DOCK4: variants seen among roughly 807,000 people sequenced by gnomAD.
DOCK4 encodes dedicator of cytokinesis protein 4.
Under a neutral mutation model 268.1 loss-of-function variants are expected in DOCK4, and 97 were observed. The ratio of observed to expected loss-of-function variants is 0.36; its 90% CI spans 0.31 to 0.43. DOCK4 has a LOEUF of 0.43. Among genes scored for constraint, DOCK4 ranks in the 20% least tolerant of loss-of-function variants. The probability of loss-of-function intolerance (pLI) is 1.00; values close to 1 mark genes in which losing one functional copy is unlikely to be tolerated. For synonymous variants in DOCK4, 954 were observed against 887.2 expected (o/e 1.08, Z -1.34); for missense variants, 2,145 against 2,455.7 (o/e 0.87, Z 2.67).
intron 1 of DOCK4, among the ~76,000 whole-genome samples, chr7:112,091,642 C>T (rs761414524): frequency 2.0e-5 from 3 of 152,036 alleles, no homozygotes; most frequent in Non-Finnish European, 4.4e-5. Context: ...GAGCCCAATC[C>T]GAAAAGAATT....
At chr7:112,009,776 GAA>G (rs1158634210) in intron 1 of DOCK4, among the ~76,000 whole-genome samples, 1 of 152,108 alleles carries the variant, frequency 6.6e-6, no homozygotes, top group East Asian at 1.9e-4. Context: ...AAAAAACAGA[GAA>G]AAAGGAAAGG....
intron 1 of DOCK4, among the ~76,000 whole-genome samples, chr7:112,035,038 C>CA (rs1281710618): frequency 6.6e-6 from 1 of 152,186 alleles, no homozygotes; most frequent in Non-Finnish European, 1.5e-5. Flanking sequence ...GTCCTGGACA[C>CA]ACGGAGATGG....
chr7:111,877,786 T>A (rs553465421), intron 16 of DOCK4, among the ~76,000 whole-genome samples: 1 of 152,324 alleles, frequency 6.6e-6, no homozygotes, highest in Non-Finnish European at 1.5e-5. Context: ...TAATTTCATA[T>A]CCCTACTGTA....
At position 112,132,992 on chromosome 7, in the gene DOCK4, C is replaced by A. The variant is rs138599831; in HGVS notation, c.37+73110G>T. Among the ~76,000 whole-genome samples, 346 of 152,278 alleles carry A rather than the reference C, an allele frequency of 2.3e-3. 2 individuals carry two copies. Among genetic ancestry groups the A allele is most frequent in the African/African-American group, 7.9e-3 (328 of 41,562 alleles). On this transcript the variant is annotated intron_variant, in intron 1 of 52. Transcript: ENST00000428084. ...TGAATCCAGAGACTGGTATTCAGGG[C>A]TCTTAAAATTTAGAATCTCAAATTC... is the stretch of plus-strand genomic sequence containing the variant.
chr7:111,790,729 G>T, intron 30 of DOCK4, 124 bp from the exon 31 acceptor site: 2 of 1,174,116 alleles, frequency 1.7e-6, no homozygotes, highest in Non-Finnish European at 2.3e-6. Flanking sequence ...GTCTCCTCAA[G>T]CAAGAAAATA....
chr7:111,796,752 C>T (rs1316941614), intron 30 of DOCK4, among the ~76,000 whole-genome samples: 1 of 152,192 alleles, frequency 6.6e-6, no homozygotes, highest in East Asian at 1.9e-4. Flanking sequence ...CACAGGCTCT[C>T]CAAGATCCAT....
chr7:111,808,373 A>T (rs548996303), intron 30 of DOCK4: 1 of 158,034 alleles, frequency 6.3e-6, no homozygotes, highest in African/African-American at 2.4e-5. Flanking sequence ...TCCTTTGGCT[A>T]TACTCTTTAT....
chr7:112,140,931 A>G (rs1208386311), intron 1 of DOCK4, among the ~76,000 whole-genome samples: 1 of 152,206 alleles, frequency 6.6e-6, no homozygotes, highest in Non-Finnish European at 1.5e-5. Context: ...ACACCTGGTT[A>G]GCTTGAGGCT....
chr7:111,840,903 C>A (rs1331621320), intron 25 of DOCK4: 2 of 1,222,694 alleles, frequency 1.6e-6, no homozygotes, highest in Admixed American at 4.0e-5. Context: ...TTCAACAGAT[C>A]TTCAGTCTCC....
intron 1 of DOCK4, among the ~76,000 whole-genome samples, chr7:112,105,569 T>A (rs1427551419): frequency 1.4e-5 from 2 of 147,904 alleles, no homozygotes; most frequent in African/African-American, 2.5e-5. Context: ...ACAACAAATC[T>A]AAAAAAAAAA....
At chr7:111,806,933 A>C (rs1287684424) in intron 30 of DOCK4, among the ~76,000 whole-genome samples, 1 of 152,224 alleles carries the variant, frequency 6.6e-6, no homozygotes, top group Non-Finnish European at 1.5e-5. Flanking sequence ...GTTTCATTTT[A>C]GAAGAAAGAC....
At chr7:111,732,159 G>A in intron 52 of DOCK4, 67 bp downstream of exon 52, 2 of 1,485,946 alleles carry the variant, frequency 1.3e-6, no homozygotes, top group Non-Finnish European at 1.9e-6. Context: ...TGATATATCT[G>A]GGATGAGTCT....
At chr7:111,933,570 C>T (rs1369377626) in intron 12 of DOCK4, among the ~76,000 whole-genome samples, 1 of 151,950 alleles carries the variant, frequency 6.6e-6, no homozygotes, top group Non-Finnish European at 1.5e-5. Flanking sequence ...GCTGTGATTA[C>T]AGACGTGAGC....
intron 1 of DOCK4, among the ~76,000 whole-genome samples, chr7:112,129,190 GCATA>G: frequency 6.6e-6 from 1 of 152,262 alleles, no homozygotes; most frequent in South Asian, 2.1e-4. Context: ...AAGCTCTGGT[GCATA>G]CTATGGGATA....
chr7:112,036,489 C>T (rs1803777605), intron 1 of DOCK4, among the ~76,000 whole-genome samples: 2 of 152,172 alleles, frequency 1.3e-5, no homozygotes, highest in South Asian at 2.1e-4. Context: ...GGTTTCATAA[C>T]AGGGAGACAA....
chr7:111,849,743 G>C (rs1206605026), intron 23 of DOCK4, among the ~76,000 whole-genome samples: 7 of 152,152 alleles, frequency 4.6e-5, no homozygotes, highest in Admixed American at 4.6e-4. Flanking sequence ...CACTGGAGCA[G>C]GGGTCCCCAG....
intron 27 of DOCK4, among the ~76,000 whole-genome samples, chr7:111,814,026 T>A (rs1361261747): frequency 6.6e-6 from 1 of 152,208 alleles, no homozygotes; most frequent in East Asian, 1.9e-4. Flanking sequence ...GGGGTTTACA[T>A]TAAAAATCAC....
At chr7:111,800,301 T>A (rs1170668183) in intron 30 of DOCK4, among the ~76,000 whole-genome samples, 2 of 151,636 alleles carry the variant, frequency 1.3e-5, no homozygotes, top group Non-Finnish European at 2.9e-5. Context: ...AGTTTAAGTA[T>A]GTTGTAGTCT....
At chr7:112,061,492 A>C (rs571844154) in intron 1 of DOCK4, among the ~76,000 whole-genome samples, 1 of 152,114 alleles carries the variant, frequency 6.6e-6, no homozygotes, top group African/African-American at 2.4e-5. Context: ...TCCTTCACCG[A>C]CCTTGGGCCT....
Sources: allele counts gnomAD v4.1 joint callset (sites outside exome capture counted in the v4.1 genomes callset), GRCh38; gene constraint gnomAD v4.1.1; transcripts MANE v1.5; gene names NCBI Gene and HGNC (gene_info 2026-07-23, HGNC 2026-07-21).